The following PDE4D variants were observed in gnomAD, a reference collection of about 807,000 sequenced individuals.
PDE4D encodes 3',5'-cyclic-AMP phosphodiesterase 4D.
In PDE4D, 24 loss-of-function variants were observed where a neutral mutation model predicts 87.4. That is an observed-to-expected ratio of 0.27 (90% CI 0.20 to 0.39). PDE4D has a LOEUF of 0.39. PDE4D is among the 10% of genes least tolerant of loss of function. PDE4D has a pLI of 1.00. For synonymous variants in PDE4D, 384 were observed against 383.2 expected (o/e 1.00, Z -0.02); for missense variants, 714 against 1,041.0 (o/e 0.69, Z 4.32).
At chr5:59,289,080 T>A (rs187942240) in intron 1 of PDE4D, among the ~76,000 whole-genome samples, 7 of 152,112 alleles carry the variant, frequency 4.6e-5, no homozygotes, top group African/African-American at 1.7e-4. Flanking sequence ...TGTAAACAAC[T>A]CATATCTTAA....
intron 1 of PDE4D, among the ~76,000 whole-genome samples, chr5:59,753,076 G>C (rs72751250): frequency 6.6e-6 from 1 of 151,994 alleles, no homozygotes; most frequent in Admixed American, 6.6e-5. Context: ...CATAGGGTCC[G>C]CAAAGCCTAA....
chr5:60,153,821 G>C lies in PDE4D; in HGVS notation c.42+31736C>G, dbSNP rs2910838. 3.3e-5 allele frequency among the ~76,000 whole-genome samples: 5 copies of C among 152,096 alleles called. No homozygotes were observed. In the East Asian group the frequency reaches 5.8e-4, roughly 18 times the overall value. ...TAAGAAATTAAAATAGTTAAACTCA[G>C]AGAAACAGAGTAAAACAGTGGTTGC... is the stretch of plus-strand genomic sequence containing the variant. On this transcript the variant is annotated intron_variant, in intron 2 of 16. Transcript: ENST00000502484.
At chr5:59,433,394 T>C (rs1796381363) in intron 1 of PDE4D, among the ~76,000 whole-genome samples, 1 of 152,054 alleles carries the variant, frequency 6.6e-6, no homozygotes, top group African/African-American at 2.4e-5. Context: ...AGAGGATTAC[T>C]GTTAAACTCC....
intron 2 of PDE4D, among the ~76,000 whole-genome samples, chr5:60,029,993 T>C (rs1767054332): frequency 6.6e-6 from 1 of 152,212 alleles, no homozygotes; most frequent in Non-Finnish European, 1.5e-5. Flanking sequence ...TATACACCAG[T>C]GAGCTCTTAG....
At position 60,198,735 on chromosome 5, in the gene PDE4D, G is replaced by A. The variant is rs568756807; in HGVS notation, c.-89-13048C>T. Among the ~76,000 whole-genome samples the A allele has an allele frequency of 4.9e-4, 74 of 151,542 alleles. 2 individuals carry two copies. Among genetic ancestry groups the A allele is most frequent in the Non-Finnish European group, 9.7e-4 (66 of 67,732 alleles). Reference sequence around the variant, plus strand: ...AAATTACAGTTAGAATTAATCCTTCGAAATGTAGGATAGGGGAGCTCAAAA... The same window carrying A: ...AAATTACAGTTAGAATTAATCCTTCAAAATGTAGGATAGGGGAGCTCAAAA... On this transcript the variant is annotated intron_variant, in intron 1 of 16. Transcript: ENST00000502484.
intron 1 of PDE4D, among the ~76,000 whole-genome samples, chr5:59,856,462 A>G (rs1745457597): frequency 3.3e-5 from 5 of 152,190 alleles, no homozygotes; most frequent in Admixed American, 2.6e-4. Flanking sequence ...CCACACATCA[A>G]TGGAAAAATA....
intron 1 of PDE4D, among the ~76,000 whole-genome samples, chr5:59,427,313 ACAC>A (rs1795416010): frequency 1.3e-5 from 2 of 150,750 alleles, no homozygotes; most frequent in African/African-American, 4.9e-5. Context: ...ACACACACAC[ACAC>A]ACACACACAC....
intron 1 of PDE4D, among the ~76,000 whole-genome samples, chr5:59,402,699 C>T (rs115410793): frequency 2.6e-5 from 4 of 152,278 alleles, no homozygotes; most frequent in African/African-American, 4.8e-5. Context: ...CTAACCCACA[C>T]ACCCCAAATT....
chr5:59,182,213 A>T (rs1741793718), intron 4 of PDE4D, among the ~76,000 whole-genome samples: 1 of 152,092 alleles, frequency 6.6e-6, no homozygotes, highest in Non-Finnish European at 1.5e-5. Flanking sequence ...GCTCTGAAAT[A>T]GCTCTGGTCT....
intron 1 of PDE4D, among the ~76,000 whole-genome samples, chr5:59,465,115 GCTCTC>G: frequency 6.6e-6 from 1 of 152,222 alleles, no homozygotes. Flanking sequence ...GTTGGCCTCT[GCTCTC>G]CTCTCTAGCC....
In PDE4D at chr5:59,303,548, T is replaced by A. The variant is rs150248578; in HGVS notation, c.456-87580A>T. Among the ~76,000 whole-genome samples, 1,073 of 152,332 alleles carry A rather than the reference T, an allele frequency of 7.0e-3. 13 individuals are homozygous for A. The highest frequency in any genetic ancestry group is 0.025 in the African/African-American group (1,027 of 41,584). ...GTCTTAGGTTTAAGCCCTTAATCCA[T>A]CTTGAGTTGATTTTTGTATACGGTG... On this transcript the variant is annotated intron_variant, in intron 1 of 14. Coordinates refer to ENST00000340635, the MANE Select transcript of PDE4D (RefSeq NM_001104631.2).
rs1021377348 is a variant in PDE4D at position 59,541,825 on chromosome 5, G to A, written c.456-325857C>T. Among the ~76,000 whole-genome samples, 10 of 152,094 alleles carry A rather than the reference G, an allele frequency of 6.6e-5. No homozygotes were observed. The East Asian group carries it at 1.7e-3, about 26-fold the overall frequency. The stretch of plus-strand genomic sequence containing the variant: ...GAGTTCCTGAAAGAATCCTGCCAGG[G>A]TGGGACCCATTATAAGGATTTTAAT... On this transcript the variant is annotated intron_variant, in intron 1 of 14. Coordinates refer to ENST00000340635, the MANE Select transcript of PDE4D (RefSeq NM_001104631.2).
intron 11 of PDE4D, 122 bp downstream of exon 11, chr5:58,988,369 AAC>A: frequency 4.9e-6 from 2 of 410,120 alleles, no homozygotes; most frequent in Non-Finnish European, 8.6e-6. Flanking sequence ...CTATCACTAA[AAC>A]ACATATATAC....
chr5:59,431,757 C>A (rs1211386344), intron 1 of PDE4D, among the ~76,000 whole-genome samples: 2 of 151,958 alleles, frequency 1.3e-5, no homozygotes, highest in African/African-American at 4.8e-5. Context: ...CCAATAGTTA[C>A]CTTTTCTGCT....
chr5:59,519,989 C>T (rs192966814), intron 1 of PDE4D, among the ~76,000 whole-genome samples: 16 of 152,220 alleles, frequency 1.1e-4, no homozygotes, highest in Admixed American at 3.3e-4. Flanking sequence ...GGGCAGGACA[C>T]GGTACCTCAC....
intron 5 of PDE4D, among the ~76,000 whole-genome samples, chr5:59,058,359 C>G (rs982262998): frequency 2.0e-5 from 3 of 152,016 alleles, no homozygotes; most frequent in Admixed American, 2.0e-4. Context: ...CCATGCCCAC[C>G]CACCCACAGT....
At chr5:59,020,403 G>T (rs909499227) in intron 6 of PDE4D, among the ~76,000 whole-genome samples, 3 of 151,332 alleles carry the variant, frequency 2.0e-5, no homozygotes, top group Non-Finnish European at 4.4e-5. Flanking sequence ...AATCCAGGAG[G>T]TGGAGGTGGC....
Position 58,976,346 on chromosome 5 carries a change from T to C in PDE4D, c.1830+4A>G. ...ACACAGAGCAAACTCAAACAAGGCTTTACCTGAATCCTATCGGAATAATTA... is the reference window on the plus strand; with the variant it reads ...ACACAGAGCAAACTCAAACAAGGCTCTACCTGAATCCTATCGGAATAATTA... On this transcript the variant is annotated splice_donor_region_variant and intron_variant, in intron 13 of 14. Coordinates refer to ENST00000340635, the MANE Select transcript of PDE4D (RefSeq NM_001104631.2). The C allele has an allele frequency of 6.2e-7, 1 of 1,611,568 alleles. No homozygotes were observed. The highest frequency in any genetic ancestry group is 8.5e-7 in the Non-Finnish European group (1 of 1,179,014).
intron 1 of PDE4D, among the ~76,000 whole-genome samples, chr5:59,484,888 A>G (rs1804848729): frequency 6.6e-6 from 1 of 152,204 alleles, no homozygotes; most frequent in African/African-American, 2.4e-5. Context: ...CTAAAAGTCT[A>G]CGATTCACCA....
Sources: allele counts gnomAD v4.1 joint callset (sites outside exome capture counted in the v4.1 genomes callset), GRCh38; gene constraint gnomAD v4.1.1; transcripts MANE v1.5; gene names NCBI Gene and HGNC (gene_info 2026-07-23, HGNC 2026-07-21).